Variants in TIAM1 observed in about 807,000 individuals in gnomAD.
TIAM1 encodes the protein rho guanine nucleotide exchange factor TIAM1.
TIAM1 carries 65 observed loss-of-function variants against 163.5 expected under a neutral mutation model. That is an observed-to-expected ratio of 0.40 (90% CI 0.33 to 0.49). The LOEUF is 0.49. Among genes scored for constraint, TIAM1 ranks in the 20% least tolerant of loss-of-function variants. The pLI is 0.77. For missense variants in TIAM1, 1,789 were observed against 2,044.7 expected (o/e 0.87, Z 2.41); for synonymous variants, 833 against 810.1 (o/e 1.03, Z -0.48).
intron 2 of TIAM1, among the ~76,000 whole-genome samples, chr21:31,377,645 A>T (rs887205157): frequency 2.0e-5 from 3 of 152,174 alleles, no homozygotes; most frequent in African/African-American, 7.2e-5. Context: ...ACTGTACAGG[A>T]CATCACATTC....
intron 1 of TIAM1, among the ~76,000 whole-genome samples, chr21:31,530,549 G>A (rs1472953915): frequency 6.6e-6 from 1 of 152,022 alleles, no homozygotes; most frequent in Non-Finnish European, 1.5e-5. Flanking sequence ...AGAGGAAGCA[G>A]AGCCACGAAG....
Position 31,396,329 on chromosome 21 carries a change from C to T in TIAM1, c.-368-56907G>A, listed in dbSNP as rs376574344. Among the ~76,000 whole-genome samples the T allele has an allele frequency of 6.0e-4, 92 of 152,234 alleles. 2 individuals are homozygous for T. The highest frequency in any genetic ancestry group is 1.9e-3 in the African/African-American group (81 of 41,560). On this transcript the variant is annotated intron_variant, in intron 2 of 28. Transcript: ENST00000286827. ...CTCCTGCCAATCTTCAATACATTCG[C>T]GGGTCCCTCTGCCTGGAATGCTCTT...
intron 2 of TIAM1, among the ~76,000 whole-genome samples, chr21:31,366,670 G>A (rs2076509142): frequency 1.3e-5 from 2 of 152,216 alleles, no homozygotes; most frequent in South Asian, 2.1e-4. Context: ...AGGCTGGAGT[G>A]CAGTGGTGCC....
intron 1 of TIAM1, among the ~76,000 whole-genome samples, chr21:31,516,394 A>G (rs1258980693): frequency 1.3e-5 from 2 of 152,204 alleles, no homozygotes; most frequent in Non-Finnish European, 2.9e-5. Flanking sequence ...TCTGGGTGAC[A>G]AAGAGAGACT....
At chr21:31,552,821 C>T (rs1017652803) in intron 1 of TIAM1, among the ~76,000 whole-genome samples, 3 of 152,158 alleles carry the variant, frequency 2.0e-5, no homozygotes, top group African/African-American at 7.2e-5. Context: ...GTCCCTACCA[C>T]ACCACATGTA....
chr21:31,547,326 G>A (rs1264813657), intron 1 of TIAM1, among the ~76,000 whole-genome samples: 1 of 152,166 alleles, frequency 6.6e-6, no homozygotes, highest in African/African-American at 2.4e-5. Flanking sequence ...ACTGTCATTT[G>A]TGTATTCTTA....
chr21:31,458,151 G>T (rs1019830557), intron 2 of TIAM1, among the ~76,000 whole-genome samples: 1 of 152,176 alleles, frequency 6.6e-6, no homozygotes, highest in East Asian at 1.9e-4. Flanking sequence ...CGGGTGCGGG[G>T]GCTCACGCCT....
Position 31,266,504 on chromosome 21 carries a change from G to C in TIAM1, c.469C>G (p.Pro157Ala). Residue 157 changes from proline (P) to alanine (A), a missense_variant, in exon 4 of 28, where the codon CCC (proline) becomes GCC (alanine). Pro to Ala is a conservative substitution (Grantham distance 27). Coordinates refer to ENST00000541036, the MANE Select transcript of TIAM1 (RefSeq NM_001353694.2). ...AAGCTCGCCGTCTCCATGAAAGTGG[G>C]CCCATTGGATGTATAGGAATGCTGC... ...RRQHSYTSNG[P>A]TFMETASFKK... 1 of 1,614,152 alleles carries C rather than the reference G, an allele frequency of 6.2e-7. No individual in the cohort carries two copies. Among genetic ancestry groups the C allele is most frequent in the South Asian group, 1.1e-5 (1 of 91,082 alleles).
At chr21:31,276,446 T>C (rs2073303278) in intron 3 of TIAM1, among the ~76,000 whole-genome samples, 1 of 152,196 alleles carries the variant, frequency 6.6e-6, no homozygotes, top group Non-Finnish European at 1.5e-5. Flanking sequence ...CATAATCCGA[T>C]ATAAAGATGG....
intron 1 of TIAM1, among the ~76,000 whole-genome samples, chr21:31,542,320 G>C (rs1182063925): frequency 6.6e-6 from 1 of 152,100 alleles, no homozygotes; most frequent in Non-Finnish European, 1.5e-5. Flanking sequence ...CCAGCTTCTG[G>C]GGAGGCTGAG....
Position 31,185,400 on chromosome 21 carries a change from C to CTATATAATTATATATAATTATGT in TIAM1, c.2662+1578_2662+1600dup, listed in dbSNP as rs1285379148. Among the ~76,000 whole-genome samples, 134 of 139,340 alleles carry CTATATAATTATATATAATTATGT rather than the reference C, an allele frequency of 9.6e-4. No individual in the cohort carries two copies. In the East Asian group the frequency reaches 0.012, roughly 13 times the overall value. The allele number at this position is 139,340 out of a possible 152,430, so 91.4% of individuals were successfully genotyped here. On this transcript the variant is annotated intron_variant, in intron 14 of 27. Coordinates refer to ENST00000541036, the MANE Select transcript of TIAM1 (RefSeq NM_001353694.2). ...CACATCATAATTATATATAATTATG[C>CTATATAATTATATATAATTATGT]TATATAATTATATATAATTATGTTA...
chr21:31,139,734 T>C (rs1452765482), intron 22 of TIAM1, among the ~76,000 whole-genome samples: 1 of 152,236 alleles, frequency 6.6e-6, no homozygotes, highest in African/African-American at 2.4e-5. Flanking sequence ...AACATTCTCA[T>C]GCTCTGCTTG....
chr21:31,455,818 A>C (rs2045077009), intron 2 of TIAM1, among the ~76,000 whole-genome samples: 2 of 152,222 alleles, frequency 1.3e-5, no homozygotes, highest in African/African-American at 4.8e-5. Context: ...CCATCCTCAA[A>C]AGTGTTAAGG....
intron 9 of TIAM1, among the ~76,000 whole-genome samples, chr21:31,215,568 G>GAAAAAA (rs398040071): frequency 7.4e-4 from 56 of 75,522 alleles, no homozygotes; most frequent in African/African-American, 1.4e-3. Context: ...TCTCAAAAAA[G>GAAAAAA]AAAAAAAAAA....
chr21:31,517,655 T>G (rs2047429573), intron 1 of TIAM1, among the ~76,000 whole-genome samples: 1 of 152,146 alleles, frequency 6.6e-6, no homozygotes, highest in East Asian at 1.9e-4. Context: ...AATATGCCAC[T>G]TTGGCTTAAG....
chr21:31,152,469 G>T (rs534605473), intron 19 of TIAM1, among the ~76,000 whole-genome samples, 167 bp downstream of exon 19: 2 of 152,234 alleles, frequency 1.3e-5, no homozygotes, highest in East Asian at 3.9e-4. Context: ...GATGGCATTG[G>T]GCTTCCCTTA....
rs73353309 is a variant in TIAM1, at chr21:31,223,609, C to G, written c.1810-18G>C. On this transcript the variant is annotated intron_variant, in intron 7 of 27. Transcript: ENST00000541036. ...ACAAAGATCTATGGTAGTGAAAACA[C>G]GGGAAAAGAAAAAGTGAGAAAATGG... The G allele has an allele frequency of 1.9e-6, 3 of 1,566,244 alleles. No homozygotes were observed. Among genetic ancestry groups the G allele is most frequent in the African/African-American group, 1.4e-5 (1 of 72,632 alleles).
rs535322970 is a variant in TIAM1, at chr21:31,147,760, ATATAT to A, written c.3367-762_3367-758del. 9.1e-3 allele frequency among the ~76,000 whole-genome samples: 1,290 copies of A among 141,040 alleles called. 22 individuals carry two copies. Among genetic ancestry groups the A allele is most frequent in the African/African-American group, 0.032 (1,194 of 37,580 alleles). 92.5% of individuals were successfully genotyped at this position (141,040 alleles called of 152,430 possible). On this transcript the variant is annotated intron_variant, in intron 19 of 27. Transcript: ENST00000541036. Reference sequence around the variant, plus strand: ...TATAAAAATATATAATATATAATTAATATATTATATTAATATATTATATTAAAATA... The same window carrying A: ...TATAAAAATATATAATATATAATTAATATATTAATATATTATATTAAAATA...
At chr21:31,411,835 T>C (rs1018280909) in intron 2 of TIAM1, among the ~76,000 whole-genome samples, 1 of 152,104 alleles carries the variant, frequency 6.6e-6, no homozygotes, top group African/African-American at 2.4e-5. Flanking sequence ...AGGCGGGCTA[T>C]GGTTTGCCGA....
Sources: gnomAD v4.1 joint callset for allele counts (sites outside exome capture counted in the v4.1 genomes callset) on GRCh38, gnomAD v4.1.1 for gene constraint, MANE v1.5 for transcripts, NCBI Gene and HGNC (gene_info 2026-07-23, HGNC 2026-07-21) for gene names.